Variants in CSRP1 observed in about 807,000 individuals in gnomAD.
CSRP1 encodes the protein cysteine and glycine rich protein 1, also known as cysteine and glycine-rich protein 1.
Under a neutral mutation model 25.4 loss-of-function variants are expected in CSRP1, and 16 were observed. That is an observed-to-expected ratio of 0.63 (90% confidence interval 0.43 to 0.96). CSRP1 has a LOEUF of 0.96. CSRP1 is among the 40% of genes least tolerant of loss of function. The pLI, the probability that CSRP1 is intolerant of heterozygous loss-of-function variation, is 0.00. For missense variants in CSRP1, 212 were observed against 243.6 expected, an observed-to-expected ratio of 0.87 and a Z score of 0.86; for synonymous variants, 97 against 95.3, an observed-to-expected ratio of 1.02 and a Z score of -0.10.
Position 201,490,304 on chromosome 1 carries a change from C to A in CSRP1, c.153G>T (p.Val51=). ...KKNLDSTTVA[V]HGEEIYCKSC... is the part of the protein sequence containing the mutation. The stretch of plus-strand genomic sequence containing the variant: ...ACTTGCAGTAAATCTCCTCACCATG[C>A]ACGGCCACAGTGGTACTGTCCAGAT... Residue 51 remains valine, a synonymous_variant, in exon 3 of 6, where the codon GTG becomes GTT. Transcript: ENST00000340006. 6.2e-7 allele frequency: 1 copy of A among 1,614,204 alleles called. No individual in the cohort carries two copies. The highest frequency in any genetic ancestry group is 2.2e-5 in the East Asian group (1 of 44,882).
intron 2 of CSRP1, chr1:201,492,352 C>T (rs890793567): frequency 2.6e-5 from 4 of 152,402 alleles, no homozygotes; most frequent in Non-Finnish European, 5.9e-5. Flanking sequence ...CTTGGCCCTT[C>T]TGTTCTCCCA....
intron 1 of CSRP1, among the ~76,000 whole-genome samples, chr1:201,499,104 T>C (rs1318518994): frequency 6.6e-6 from 1 of 152,196 alleles, no homozygotes; most frequent in Non-Finnish European, 1.5e-5. Context: ...GCCTCTGATG[T>C]TGCACTGTTC....
At chr1:201,485,462 G>A (rs1166580758) in intron 4 of CSRP1, 86 bp from the exon 5 acceptor site, 1 of 1,216,338 alleles carries the variant, frequency 8.2e-7, no homozygotes, top group East Asian at 2.4e-5. Flanking sequence ...ACATAACCAT[G>A]GTATAAGGGC....
At chr1:201,504,708 G>A (rs961589661) in intron 1 of CSRP1, among the ~76,000 whole-genome samples, 1 of 152,068 alleles carries the variant, frequency 6.6e-6, no homozygotes, top group African/African-American at 2.4e-5. Flanking sequence ...AGCACTTTGG[G>A]AGGCTGAGAT....
chr1:201,485,548 A>G lies in CSRP1; in HGVS notation c.412-172T>C, dbSNP rs1664108153. ...CTATGGTGCAAGGCAGTAGAGGGAG[A>G]AGGCCAGGGACCACACGCCACCTCG... On this transcript the variant is annotated intron_variant, in intron 4 of 5. Transcript: ENST00000340006. 3 of 608,518 alleles carry G rather than the reference A, an allele frequency of 4.9e-6. 1 individual carries two copies. In the South Asian group the frequency reaches 5.9e-5, roughly 12 times the overall value. 37.7% of individuals were successfully genotyped at this position (608,518 alleles called of 1,614,324 possible).
At chr1:201,502,382 CCA>C (rs1664697135) in intron 1 of CSRP1, among the ~76,000 whole-genome samples, 1 of 152,238 alleles carries the variant, frequency 6.6e-6, no homozygotes, top group South Asian at 2.1e-4. Flanking sequence ...CCTCCACGCC[CCA>C]GTGTCCAGAG....
At chr1:201,501,338 G>A (rs1229526866) in intron 1 of CSRP1, among the ~76,000 whole-genome samples, 1 of 152,222 alleles carries the variant, frequency 6.6e-6, no homozygotes, top group African/African-American at 2.4e-5. Flanking sequence ...TGCTAGCCCA[G>A]CGAATGAGTC....
In CSRP1 at chr1:201,485,265, A is replaced by G. The variant is rs377737995; in HGVS notation, c.505+18T>C. 2 of 1,613,084 alleles carry G rather than the reference A, an allele frequency of 1.2e-6. No homozygotes were observed. Among genetic ancestry groups the G allele is most frequent in the Non-Finnish European group, 1.7e-6 (2 of 1,179,130 alleles). On this transcript the variant is annotated intron_variant, in intron 5 of 5. Transcript: ENST00000340006. ...CCCTTGGGCCTCCTGACCCTCAATT[A>G]GAAGTGAAAACACCCACCTTTGCAG...
intron 1 of CSRP1, among the ~76,000 whole-genome samples, chr1:201,501,817 A>C: frequency 6.6e-6 from 1 of 151,840 alleles, no homozygotes. Context: ...ATGTAGTGAA[A>C]CCCCATCTTT....
intron 2 of CSRP1, chr1:201,490,586 A>G (rs1243877547): frequency 4.2e-6 from 2 of 472,190 alleles, no homozygotes; most frequent in Non-Finnish European, 7.7e-6. Flanking sequence ...CCAGGAATCC[A>G]TATGTGTCTC....
intron 1 of CSRP1, among the ~76,000 whole-genome samples, chr1:201,500,238 C>G (rs1196534302): frequency 6.6e-6 from 1 of 152,186 alleles, no homozygotes; most frequent in Non-Finnish European, 1.5e-5. Flanking sequence ...CTAGGAACAC[C>G]CCTAAGGGAG....
chr1:201,495,751 G>A (rs1253345090), intron 2 of CSRP1: 2 of 158,472 alleles, frequency 1.3e-5, no homozygotes, highest in East Asian at 1.8e-4. Context: ...GCCTGCAAGG[G>A]GCTGAGGAAG....
rs1300756207 is a variant in CSRP1, at chr1:201,483,903, C to T, written c.*810G>A. On this transcript the variant is annotated 3_prime_UTR_variant, in exon 6 of 6. Transcript: ENST00000340006. Reference sequence around the variant, plus strand: ...AGAGCCCTGGCCTGGGCTCTGCTGGCCGCAGCCTCAGGAGCCAGGGTTAAG... The same window carrying T: ...AGAGCCCTGGCCTGGGCTCTGCTGGTCGCAGCCTCAGGAGCCAGGGTTAAG... 14 of 647,298 alleles carry T rather than the reference C, an allele frequency of 2.2e-5. No homozygotes were observed. The highest frequency in any genetic ancestry group is 3.5e-5 in the Non-Finnish European group (12 of 345,742). 40.1% of individuals were successfully genotyped at this position (647,298 alleles called of 1,614,324 possible).
chr1:201,498,314 A>T (rs1169594529), intron 1 of CSRP1, among the ~76,000 whole-genome samples: 1 of 152,174 alleles, frequency 6.6e-6, no homozygotes, highest in Non-Finnish European at 1.5e-5. Context: ...AGGGCTATAC[A>T]AAGCACCACC....
At chr1:201,487,145 C>T in intron 4 of CSRP1, 1 of 473,374 alleles carries the variant, frequency 2.1e-6, no homozygotes, top group Non-Finnish European at 3.7e-6. Context: ...GGTGTGGTAG[C>T]TCACACCTGT....
chr1:201,498,219 C>G (rs540917382), intron 1 of CSRP1, among the ~76,000 whole-genome samples: 1 of 152,180 alleles, frequency 6.6e-6, no homozygotes, highest in East Asian at 1.9e-4. Flanking sequence ...TGCTTCTCTC[C>G]TTCCATTTCA....
At chr1:201,485,732 G>C in intron 4 of CSRP1, 2 of 269,536 alleles carry the variant, frequency 7.4e-6, no homozygotes, top group Non-Finnish European at 1.5e-5. Flanking sequence ...GTAGATCAGT[G>C]GTGTGAGCCA....
At chr1:201,501,621 G>A (rs910252181) in intron 1 of CSRP1, among the ~76,000 whole-genome samples, 2 of 152,178 alleles carry the variant, frequency 1.3e-5, no homozygotes, top group Non-Finnish European at 2.9e-5. Context: ...AGACAAGAAA[G>A]CCAAGGTGGC....
intron 4 of CSRP1, chr1:201,488,441 G>A (rs1211973432): frequency 1.3e-5 from 2 of 154,920 alleles, no homozygotes; most frequent in African/African-American, 4.8e-5. Flanking sequence ...GTATATTTTT[G>A]GGATCACAAA....
Sources: allele counts gnomAD v4.1 joint callset (sites outside exome capture counted in the v4.1 genomes callset), GRCh38; gene constraint gnomAD v4.1.1; transcripts MANE v1.5; gene names NCBI Gene and HGNC (gene_info 2026-07-23, HGNC 2026-07-21).